FAM171A1: variants seen among roughly 807,000 people sequenced by gnomAD.
FAM171A1 encodes family with sequence similarity 171 member A1.
Under a neutral mutation model 74.9 loss-of-function variants are expected in FAM171A1, and 23 were observed. The ratio of observed to expected loss-of-function variants is 0.31; its 90% confidence interval spans 0.22 to 0.44. The LOEUF is 0.44. FAM171A1 is among the 20% of genes least tolerant of loss of function. The pLI, the probability that FAM171A1 is intolerant of heterozygous loss-of-function variation, is 1.00. For missense variants in FAM171A1, 1,162 were observed against 1,159.2 expected, an observed-to-expected ratio of 1.00 and a Z score of -0.03; for synonymous variants, 527 against 505.7, an observed-to-expected ratio of 1.04 and a Z score of -0.57.
chr10:15,301,155 G>T (rs1008508000), intron 1 of FAM171A1, among the ~76,000 whole-genome samples: 8 of 152,066 alleles, frequency 5.3e-5, no homozygotes, highest in African/African-American at 1.7e-4. Context: ...TGTGCTGTCT[G>T]TTCTGAGCTA....
chr10:15,215,006 C>T (rs543289066), intron 7 of FAM171A1, among the ~76,000 whole-genome samples: 106 of 152,198 alleles, frequency 7.0e-4, no homozygotes, highest in African/African-American at 2.5e-3. Context: ...AAGCAATCCT[C>T]CCCCTTCAGC....
intron 5 of FAM171A1, among the ~76,000 whole-genome samples, chr10:15,221,791 C>G (rs1446220857): frequency 6.6e-6 from 1 of 152,128 alleles, no homozygotes; most frequent in African/African-American, 2.4e-5. Context: ...TTTTCCAAGG[C>G]CTCTCGGTGG....
chr10:15,309,311 G>A (rs957980720), intron 1 of FAM171A1, among the ~76,000 whole-genome samples: 6 of 152,168 alleles, frequency 3.9e-5, no homozygotes, highest in African/African-American at 7.2e-5. Context: ...AGGCTCAAGC[G>A]ATTCTCCCAC....
intron 1 of FAM171A1, among the ~76,000 whole-genome samples, chr10:15,300,462 C>CT (rs1306626428): frequency 1.3e-5 from 2 of 152,108 alleles, no homozygotes; most frequent in African/African-American, 2.4e-5. Flanking sequence ...TGCCTGGTGA[C>CT]TTTGTGAGGT....
chr10:15,288,849 T>A (rs941460479), intron 1 of FAM171A1, among the ~76,000 whole-genome samples: 3 of 106,674 alleles, frequency 2.8e-5, no homozygotes, highest in Non-Finnish European at 5.2e-5. Flanking sequence ...TGAGACAGAG[T>A]CTCATTCTTG....
At chr10:15,374,330 C>T (rs1421353383), upstream of FAM171A1, among the ~76,000 whole-genome samples, 10 of 152,114 alleles carry the variant, frequency 6.6e-5, no homozygotes, top group Admixed American at 2.6e-4. Context: ...AGGGCTGGGG[C>T]CCCAAAGAGT....
At chr10:15,367,069 G>A (rs1268476449) in intron 1 of FAM171A1, among the ~76,000 whole-genome samples, 1 of 152,056 alleles carries the variant, frequency 6.6e-6, no homozygotes, top group Non-Finnish European at 1.5e-5. Flanking sequence ...CGTGGTGGCG[G>A]GCACCTGTAG....
intron 1 of FAM171A1, among the ~76,000 whole-genome samples, chr10:15,342,350 G>A (rs1196710708): frequency 8.5e-5 from 13 of 152,166 alleles, no homozygotes; most frequent in African/African-American, 2.7e-4. Context: ...CAGGCAGATC[G>A]CTTGCAGTCA....
At chr10:15,249,241 C>T (rs1261784339) in intron 4 of FAM171A1, among the ~76,000 whole-genome samples, 1 of 152,094 alleles carries the variant, frequency 6.6e-6, no homozygotes, top group East Asian at 1.9e-4. Context: ...GTATTACAGG[C>T]TTCCACTACC....
At chr10:15,367,471 G>A (rs887377442) in intron 1 of FAM171A1, among the ~76,000 whole-genome samples, 11 of 152,138 alleles carry the variant, frequency 7.2e-5, no homozygotes, top group East Asian at 1.9e-4. Context: ...GAAGCCCAGC[G>A]GCCTCTGTGA....
At chr10:15,373,781 G>T (rs190014108), upstream of FAM171A1, among the ~76,000 whole-genome samples, 47 of 152,218 alleles carry the variant, frequency 3.1e-4, 2 homozygotes, top group Admixed American at 3.1e-3. Context: ...AAGTCTTATT[G>T]TTCACTCAAA....
chr10:15,321,870 T>C (rs1351782894), intron 1 of FAM171A1, among the ~76,000 whole-genome samples: 3 of 152,232 alleles, frequency 2.0e-5, no homozygotes, highest in African/African-American at 7.2e-5. Context: ...TCCAACTCTT[T>C]AGTTAAGCAA....
At chr10:15,271,287 G>A (rs1424388519) in intron 3 of FAM171A1, among the ~76,000 whole-genome samples, 2 of 152,142 alleles carry the variant, frequency 1.3e-5, no homozygotes, top group African/African-American at 2.4e-5. Flanking sequence ...GGGTATCAGC[G>A]ACTGAAGATC....
intron 1 of FAM171A1, among the ~76,000 whole-genome samples, chr10:15,326,925 G>A (rs569576209): frequency 6.6e-5 from 10 of 152,252 alleles, no homozygotes; most frequent in South Asian, 2.1e-4. Flanking sequence ...ACGACACTCC[G>A]GCTACAATTC....
chr10:15,351,596 C>CATGG (rs61169604), intron 1 of FAM171A1, among the ~76,000 whole-genome samples: 1 of 10,234 alleles, frequency 9.8e-5, no homozygotes, highest in African/African-American at 2.8e-4. Context: ...TGGATGGATG[C>CATGG]ATGGATGGAT....
chr10:15,311,534 G>A (rs990181119), intron 1 of FAM171A1, among the ~76,000 whole-genome samples: 2 of 152,142 alleles, frequency 1.3e-5, no homozygotes, highest in Non-Finnish European at 2.9e-5. Context: ...TTAAAAATGA[G>A]AAATAAATTT....
intron 1 of FAM171A1, among the ~76,000 whole-genome samples, chr10:15,288,839 T>TTTTTTTTG (rs1835070291): frequency 1.4e-5 from 2 of 147,258 alleles, no homozygotes; most frequent in Non-Finnish European, 1.5e-5. Context: ...TTTTTTTTTT[T>TTTTTTTTG]GAGACAGAGT....
chr10:15,278,639 G>A (rs1834926555), intron 2 of FAM171A1, among the ~76,000 whole-genome samples: 1 of 152,162 alleles, frequency 6.6e-6, no homozygotes, highest in African/African-American at 2.4e-5. Flanking sequence ...CTGAGCGAAA[G>A]ACGCCAGACA....
Position 15,248,679 on chromosome 10 carries a change from G to A in FAM171A1, c.714C>T (p.His238=). 1 of 1,611,410 alleles carries A rather than the reference G, an allele frequency of 6.2e-7. No homozygotes were observed. Among genetic ancestry groups the A allele is most frequent in the Non-Finnish European group, 8.5e-7 (1 of 1,178,744 alleles). The change falls in exon 5 of 8, where the codon CAC becomes CAT. Residue 238 remains histidine, a synonymous_variant. Transcript: ENST00000378116. ...VPLATQSSLR[H]NAYVAAWRFD... is the part of the protein sequence containing the mutation. Reference sequence around the variant, plus strand: ...ACCGCCACGCCGCGACATAGGCATTGTGCCTCAGGCTGCTCTGCGTGGCCA... The same window carrying A: ...ACCGCCACGCCGCGACATAGGCATTATGCCTCAGGCTGCTCTGCGTGGCCA...
Sources: allele counts gnomAD v4.1 joint callset (sites outside exome capture counted in the v4.1 genomes callset), GRCh38; gene constraint gnomAD v4.1.1; transcripts MANE v1.5; gene names NCBI Gene and HGNC (gene_info 2026-07-23, HGNC 2026-07-21).